CCDC146: variants seen among roughly 807,000 people sequenced by gnomAD.
CCDC146 encodes coiled-coil domain containing 146.
A neutral mutation model predicts 119.3 loss-of-function variants in CCDC146; 92 were observed. That is an observed-to-expected ratio of 0.77 (90% CI 0.65 to 0.92). CCDC146 has a LOEUF of 0.92. Among genes scored for constraint, CCDC146 ranks in the 40% least tolerant of loss-of-function variants. The pLI is 0.00. For synonymous variants in CCDC146, 372 were observed against 371.8 expected (o/e 1.00, Z -0.01); for missense variants, 1,000 against 1,103.0 (o/e 0.91, Z 1.32).
Position 77,293,109 on chromosome 7 carries a change from G to T in CCDC146, c.2573G>T (p.Gly858Val), listed in dbSNP as rs143220108. Residue 858 changes from glycine to valine, a missense_variant, in exon 18 of 19, where the codon GGT becomes GTT. Coordinates refer to ENST00000285871, the MANE Select transcript of CCDC146 (RefSeq NM_020879.3). ...IFTCNSRIEK[G>V]LPLNKEIEKE... ...ACTTGCAATTCCAGGATAGAAAAAGGTCTGCCACTCAATAAGGAAATTGAG... is the reference window on the plus strand; with the variant it reads ...ACTTGCAATTCCAGGATAGAAAAAGTTCTGCCACTCAATAAGGAAATTGAG... The T allele has an allele frequency of 6.2e-7, 1 of 1,614,170 alleles. No homozygotes were observed. The highest frequency in any genetic ancestry group is 8.5e-7 in the Non-Finnish European group (1 of 1,180,028).
chr7:77,206,424 G>A (rs1403339473), intron 2 of CCDC146, among the ~76,000 whole-genome samples: 4 of 152,002 alleles, frequency 2.6e-5, no homozygotes, highest in Admixed American at 6.6e-5. Context: ...CAACCAGCCC[G>A]GCCAATGTGG....
intron 4 of CCDC146, among the ~76,000 whole-genome samples, chr7:77,248,108 A>G (rs770662507): frequency 1.3e-5 from 2 of 152,240 alleles, no homozygotes; most frequent in Non-Finnish European, 2.9e-5. Flanking sequence ...ATAAAATGAA[A>G]TCATGTATTT....
At chr7:77,281,562 AT>A (rs1419267945) in intron 14 of CCDC146, among the ~76,000 whole-genome samples, 1 of 152,192 alleles carries the variant, frequency 6.6e-6, no homozygotes, top group East Asian at 1.9e-4. Flanking sequence ...TGTATAAGGC[AT>A]TAGAGTGCTA....
At chr7:77,148,665 A>C (rs537032901) in intron 1 of CCDC146, among the ~76,000 whole-genome samples, 1 of 152,176 alleles carries the variant, frequency 6.6e-6, no homozygotes, top group South Asian at 2.1e-4. Context: ...AAAAATCACA[A>C]GCATTTCTGT....
chr7:77,161,527 T>C (rs958683517), intron 1 of CCDC146, among the ~76,000 whole-genome samples: 5 of 151,288 alleles, frequency 3.3e-5, no homozygotes, highest in Non-Finnish European at 7.4e-5. Flanking sequence ...CTCAGTAAAC[T>C]ATCACAAGAA....
chr7:77,201,844 C>G (rs1584067968), intron 2 of CCDC146, among the ~76,000 whole-genome samples: 1 of 152,110 alleles, frequency 6.6e-6, no homozygotes, highest in East Asian at 1.9e-4. Flanking sequence ...TGTGACACTT[C>G]CCTGTTGGGA....
intron 6 of CCDC146, chr7:77,257,904 T>A (rs1381918518): frequency 1.3e-5 from 2 of 152,276 alleles, no homozygotes; most frequent in East Asian, 1.9e-4. Context: ...CCTTGCCACT[T>A]ACTAGCTGTG....
chr7:77,218,652 C>T (rs1195745132), intron 2 of CCDC146, among the ~76,000 whole-genome samples: 2 of 151,640 alleles, frequency 1.3e-5, no homozygotes, highest in East Asian at 3.9e-4. Flanking sequence ...CTCTGTCACC[C>T]AGGTGGCACA....
intron 17 of CCDC146, 24 bp from the exon 18 acceptor site, chr7:77,292,928 A>T (rs1176628696): frequency 1.9e-6 from 3 of 1,609,330 alleles, no homozygotes; most frequent in Non-Finnish European, 2.5e-6. Flanking sequence ...TACATAGACT[A>T]AGCTTTGGGC....
intron 16 of CCDC146, chr7:77,287,152 T>G: frequency 1.6e-6 from 1 of 617,700 alleles, no homozygotes. Context: ...CACATTTCTC[T>G]CATGACCCAA....
chr7:77,229,309 C>G (rs1233338307), intron 2 of CCDC146, among the ~76,000 whole-genome samples: 1 of 152,160 alleles, frequency 6.6e-6, no homozygotes, highest in Non-Finnish European at 1.5e-5. Context: ...TGTGCAGAAA[C>G]TCTTTAGTTT....
intron 13 of CCDC146, among the ~76,000 whole-genome samples, chr7:77,279,519 A>C (rs991020917): frequency 6.6e-6 from 1 of 152,224 alleles, no homozygotes; most frequent in Non-Finnish European, 1.5e-5. Context: ...AAAACAATCA[A>C]ATCGTTTGTT....
intron 2 of CCDC146, among the ~76,000 whole-genome samples, chr7:77,234,351 T>C (rs1203482251): frequency 1.3e-5 from 2 of 152,118 alleles, no homozygotes; most frequent in Admixed American, 1.3e-4. Context: ...AAATAAATTA[T>C]ATATTGGCTA....
At chr7:77,206,619 C>T (rs528890548) in intron 2 of CCDC146, among the ~76,000 whole-genome samples, 3 of 142,200 alleles carry the variant, frequency 2.1e-5, no homozygotes, top group South Asian at 2.2e-4. Context: ...GGTGACAAAG[C>T]GAAACTCTGT....
intron 4 of CCDC146, 89 bp downstream of exon 4, chr7:77,241,989 T>C (rs1365078181): frequency 1.0e-6 from 1 of 962,966 alleles, no homozygotes; most frequent in Admixed American, 2.1e-5. Flanking sequence ...ATTGAAGGAG[T>C]AGGAGATAGC....
intron 2 of CCDC146, among the ~76,000 whole-genome samples, chr7:77,208,296 A>G (rs1299011546): frequency 6.6e-6 from 1 of 152,216 alleles, no homozygotes; most frequent in East Asian, 1.9e-4. Context: ...GAGATGCAAT[A>G]TTAGGCAATT....
At chr7:77,205,953 A>T (rs912994818) in intron 2 of CCDC146, among the ~76,000 whole-genome samples, 2 of 152,216 alleles carry the variant, frequency 1.3e-5, no homozygotes, top group Admixed American at 1.3e-4. Flanking sequence ...CACTAATTAA[A>T]TAGACTGCAA....
chr7:77,203,605 C>T (rs1646180845), intron 2 of CCDC146, among the ~76,000 whole-genome samples: 5 of 152,158 alleles, frequency 3.3e-5, no homozygotes, highest in Admixed American at 2.6e-4. Flanking sequence ...TTGTCCTTCA[C>T]TACTAGGAGT....
rs540617399 is a variant in CCDC146, at chr7:77,205,505, C to G, written c.157-31442C>G. 2.3e-4 allele frequency among the ~76,000 whole-genome samples: 35 copies of G among 152,336 alleles called. No homozygotes were observed. In the East Asian group the frequency reaches 5.0e-3, roughly 22 times the overall value. ...GGGCATGCTGGCTCAGGCCTGTAAT[C>G]CCAACATTTTGGAAGGCTGAGGTGG... On this transcript the variant is annotated intron_variant, in intron 2 of 18. Coordinates refer to ENST00000285871, the MANE Select transcript of CCDC146 (RefSeq NM_020879.3).
Sources: allele counts gnomAD v4.1 joint callset (sites outside exome capture counted in the v4.1 genomes callset), GRCh38; gene constraint gnomAD v4.1.1; transcripts MANE v1.5; gene names NCBI Gene and HGNC (gene_info 2026-07-23, HGNC 2026-07-21).